Variants in NBEAL2 observed in about 807,000 individuals in gnomAD.
The protein encoded by NBEAL2 is neurobeachin like 2, also known as neurobeachin-like protein 2.
NBEAL2 carries 160 observed loss-of-function variants against 299.8 expected under a neutral mutation model. The observed-to-expected ratio is 0.53, with a 90% CI of 0.47 to 0.61. The LOEUF (loss-of-function observed/expected upper bound fraction) is 0.61. NBEAL2 is among the 20% of genes least tolerant of loss of function. NBEAL2 has a pLI of 0.00. For missense variants in NBEAL2, 3,112 were observed against 3,649.0 expected (o/e 0.85, Z 3.79); for synonymous variants, 1,493 against 1,542.3 (o/e 0.97, Z 0.75).
intron 1 of NBEAL2, among the ~76,000 whole-genome samples, chr3:46,984,130 C>G (rs2035535103): frequency 1.3e-5 from 1 of 77,090 alleles, no homozygotes; most frequent in African/African-American, 4.2e-5. Context: ...GAAACCCCAT[C>G]TCTACTAAAA....
Position 46,997,047 on chromosome 3 carries a change from G to A in NBEAL2, c.2649+1G>A. ...CAGAGTGGAGACCTGGGATGTGAAG[G>A]TCTGTGAGCACGTGTGGGTGGTGTG... On this transcript the variant is annotated splice_donor_variant, in intron 18 of 53. Coordinates refer to ENST00000450053, the MANE Select transcript of NBEAL2 (RefSeq NM_015175.3). LOFTEE classifies it high-confidence loss of function. The A allele has an allele frequency of 6.2e-7, 1 of 1,612,370 alleles. No individual in the cohort carries two copies. Among genetic ancestry groups the A allele is most frequent in the Non-Finnish European group, 8.5e-7 (1 of 1,179,072 alleles).
intron 49 of NBEAL2, 27 bp downstream of exon 49, chr3:47,007,937 G>T (rs781388375): frequency 3.9e-5 from 63 of 1,600,778 alleles, no homozygotes; most frequent in Non-Finnish European, 5.2e-5. Context: ...GCTCTGTGGG[G>T]CCCCCGTAGC....
In NBEAL2 at chr3:46,991,961, G is replaced by A; in HGVS notation, c.1032+15G>A. ...AGAACAGCAAGGTGGGTAGGGCCCA[G>A]CCTGGGGGTGAGGGTCTGGAAGCCA... On this transcript the variant is annotated intron_variant, in intron 9 of 53. Transcript: ENST00000450053. The surrounding 1 kb of genome is among the most constrained non-coding windows in gnomAD (Gnocchi z 6.2). 1 of 1,577,826 alleles carries A rather than the reference G, an allele frequency of 6.3e-7. No individual in the cohort carries two copies. Among genetic ancestry groups the A allele is most frequent in the Non-Finnish European group, 8.6e-7 (1 of 1,161,070 alleles).
chr3:47,006,348 C>T lies in NBEAL2; in HGVS notation c.7033C>T (p.Arg2345Trp), dbSNP rs1161626848. 3 of 1,596,888 alleles carry T rather than the reference C, an allele frequency of 1.9e-6. No individual in the cohort carries two copies. The highest frequency in any genetic ancestry group is 1.7e-5 in the Admixed American group (1 of 57,302). The change falls in exon 45 of 54, where the codon CGG becomes TGG. Residue 2345 changes from arginine (R) to tryptophan (W), a missense_variant. Arg to Trp is a moderately radical substitution (Grantham distance 101). Coordinates refer to ENST00000450053, the MANE Select transcript of NBEAL2 (RefSeq NM_015175.3). ...CQLLKEPHPT[R>W]LSAEEAAHRL... is the part of the protein sequence containing the mutation. ...TTACCCACAGGAGCCACATCCAACT[C>T]GGCTCTCAGCTGAGGAAGCAGCCCA...
Position 47,008,364 on chromosome 3 carries a change from C to A in NBEAL2, c.7801C>A (p.Pro2601Thr). The A allele has an allele frequency of 6.2e-7, 1 of 1,613,792 alleles. No individual in the cohort carries two copies. The highest frequency in any genetic ancestry group is 1.1e-5 in the South Asian group (1 of 91,036). Reference protein sequence around the residue: ...LRPLGATFPGPIFHLALGSEG... With the variant: ...LRPLGATFPGTIFHLALGSEG... The stretch of plus-strand genomic sequence containing the variant: ...GCCTCTGGGTGCCACATTCCCTGGA[C>A]CTATTTTCCACCTGGCATTGGGGTC... Residue 2601 changes from proline (P) to threonine (T), a missense_variant, in exon 51 of 54, where the codon CCT becomes ACT. By Grantham distance (38) the Pro-to-Thr change is conservative (BLOSUM62 -1). This residue lies in a region of NBEAL2 where 348 missense variants were observed against 381.4 expected (regional missense o/e 0.91). Coordinates refer to ENST00000450053, the MANE Select transcript of NBEAL2 (RefSeq NM_015175.3).
At position 47,000,004 on chromosome 3, in the gene NBEAL2, C is replaced by T; in HGVS notation, c.3905C>T (p.Pro1302Leu). 3.7e-6 allele frequency: 6 copies of T among 1,612,462 alleles called. No homozygotes were observed. The highest frequency in any genetic ancestry group is 5.1e-6 in the Non-Finnish European group (6 of 1,179,824). ...CTGGAGGCTGCCACAGCCGGCAGCCCCCCTCCGTCTTCCCCAGAGTCACCT... is the reference window on the plus strand; with the variant it reads ...CTGGAGGCTGCCACAGCCGGCAGCCTCCCTCCGTCTTCCCCAGAGTCACCT... ...YVLEAATAGSPPPSSPESPTS... is the reference protein window; with the variant it reads ...YVLEAATAGSLPPSSPESPTS... The change falls in exon 27 of 54, where the codon CCC becomes CTC. Residue 1302 changes from proline to leucine, a missense_variant. Physicochemically the swap from Pro to Leu is moderately conservative, Grantham distance 98. Coordinates refer to ENST00000450053, the MANE Select transcript of NBEAL2 (RefSeq NM_015175.3). The surrounding 1 kb of genome is among the most constrained non-coding windows in gnomAD (Gnocchi z 4.5).
Position 46,995,236 on chromosome 3 carries a change from A to T in NBEAL2, c.1501A>T (p.Thr501Ser), listed in dbSNP as rs1417715071. Reference sequence around the variant, plus strand: ...AGGCCTGGTGGGCTGCCTGTTGGAGACACTCAGCACAGGGCTAGCCCTGGA... The same window carrying T: ...AGGCCTGGTGGGCTGCCTGTTGGAGTCACTCAGCACAGGGCTAGCCCTGGA... ...QAGLVGCLLE[T>S]LSTGLALEAR... is the part of the protein sequence containing the mutation. The change falls in exon 13 of 54, where the codon ACA becomes TCA. Residue 501 changes from threonine (T) to serine (S), a missense_variant. Thr to Ser is a moderately conservative substitution (Grantham distance 58, BLOSUM62 1). Around this residue, in one of 3 missense-constraint regions of NBEAL2, gnomAD observed 2,243 missense variants for 2,538.1 expected, o/e 0.88. Transcript: ENST00000450053. 3 of 1,555,568 alleles carry T rather than the reference A, an allele frequency of 1.9e-6. No homozygotes were observed. The highest frequency in any genetic ancestry group is 2.6e-6 in the Non-Finnish European group (3 of 1,150,016).
chr3:46,993,313 A>G (rs2036242806), intron 10 of NBEAL2, among the ~76,000 whole-genome samples: 1 of 152,132 alleles, frequency 6.6e-6, no homozygotes, highest in South Asian at 2.1e-4. Flanking sequence ...CATGGAGCCG[A>G]ATATGACCTA....
At position 47,003,938 on chromosome 3, in the gene NBEAL2, T is replaced by C; in HGVS notation, c.5843T>C (p.Phe1948Ser). The C allele has an allele frequency of 6.2e-7, 1 of 1,613,570 alleles. No homozygotes were observed. The highest frequency in any genetic ancestry group is 1.1e-5 in the South Asian group (1 of 91,066). ...GAGGTCACCACACAGAATGTATACT[T>C]CTACGATGGCAGCACTGAGCGCGTG... ...LLEVTTQNVY[F>S]YDGSTERVET... The change falls in exon 36 of 54, where the codon TTC becomes TCC. Residue 1948 changes from phenylalanine (F) to serine (S), a missense_variant. Phe to Ser is a radical substitution (Grantham distance 155). Coordinates refer to ENST00000450053, the MANE Select transcript of NBEAL2 (RefSeq NM_015175.3). This position sits in a 1 kb window ranked among gnomAD's most constrained non-coding sequence, Gnocchi z 7.0.
Position 46,998,725 on chromosome 3 carries a change from G to T in NBEAL2, c.3230G>T (p.Arg1077Leu), listed in dbSNP as rs373407108. The T allele has an allele frequency of 4.4e-6, 7 of 1,575,592 alleles. 1 individual carries two copies. In the South Asian group the frequency reaches 8.1e-5, roughly 18 times the overall value. The change falls in exon 23 of 54, where the codon CGG becomes CTG. Residue 1077 changes from arginine (R) to leucine (L), a missense_variant. This residue lies in a region of NBEAL2 where 2,243 missense variants were observed against 2,538.1 expected (regional missense o/e 0.88). Coordinates refer to ENST00000450053, the MANE Select transcript of NBEAL2 (RefSeq NM_015175.3). ...GCCTACTGACCTGCCAGCCCGCAGC[G>T]GGAGCGCCCCCTGGCTGCTGACGAC... is the stretch of plus-strand genomic sequence containing the variant. ...DALRTHYSPQ[R>L]ERPLAADDLR...
rs1471572612 is a variant in NBEAL2, at chr3:47,009,591, C to T, written c.*271C>T. Reference sequence around the variant, plus strand: ...TTTTGCACAGTCTGGGGCGGGGTTCCCCGGCTTCCAAGTCGCTGTTTCGTC... The same window carrying T: ...TTTTGCACAGTCTGGGGCGGGGTTCTCCGGCTTCCAAGTCGCTGTTTCGTC... On this transcript the variant is annotated 3_prime_UTR_variant, in exon 54 of 54. Transcript: ENST00000450053. 1 of 473,540 alleles carries T rather than the reference C, an allele frequency of 2.1e-6. No homozygotes were observed. The highest frequency in any genetic ancestry group is 3.6e-5 in the East Asian group (1 of 27,844). 29.3% of individuals were successfully genotyped at this position (473,540 alleles called of 1,614,324 possible).
Position 46,982,864 on chromosome 3 carries a change from C to A in NBEAL2, c.51+2952C>A, listed in dbSNP as rs2035439693. ...GAGGACTCAGAGCCCACCAGAGCTCCCCCAGGGTAGGCATAGGAAGGGCAG... is the reference window on the plus strand; with the variant it reads ...GAGGACTCAGAGCCCACCAGAGCTCACCCAGGGTAGGCATAGGAAGGGCAG... On this transcript the variant is annotated intron_variant, in intron 1 of 53. Coordinates refer to ENST00000450053, the MANE Select transcript of NBEAL2 (RefSeq NM_015175.3). This position sits in a 1 kb window ranked among gnomAD's most constrained non-coding sequence, Gnocchi z 4.2. Among the ~76,000 whole-genome samples the A allele has an allele frequency of 6.6e-6, 1 of 152,102 alleles. No individual in the cohort carries two copies. The highest frequency in any genetic ancestry group is 6.6e-5 in the Admixed American group (1 of 15,264).
chr3:46,992,568 G>A lies in NBEAL2; in HGVS notation c.1113+13G>A. The A allele has an allele frequency of 6.3e-7, 1 of 1,584,992 alleles. No individual in the cohort carries two copies. The highest frequency in any genetic ancestry group is 8.6e-7 in the Non-Finnish European group (1 of 1,165,662). ...CGATGTCCAAAAGGTACCATCCTGG[G>A]GCTGACCAGCTCAGACACCCCCTGG... On this transcript the variant is annotated intron_variant, in intron 10 of 53. Coordinates refer to ENST00000450053, the MANE Select transcript of NBEAL2 (RefSeq NM_015175.3).
Position 46,999,426 on chromosome 3 carries a change from G to A in NBEAL2, c.3655G>A (p.Val1219Ile), listed in dbSNP as rs776853512. Residue 1219 changes from valine to isoleucine, a missense_variant, in exon 25 of 54, where the codon GTT becomes ATT. This residue lies in a region of NBEAL2 where 2,243 missense variants were observed against 2,538.1 expected (regional missense o/e 0.88). Transcript: ENST00000450053. The part of the protein sequence containing the change: ...GLVACLPEGT[V>I]SPQLCQGLYK... ...GGTTGCCTGCTTGCCTGAGGGGACT[G>A]TTTCCCCCCAGCTCTGCCAGGGCCT... The A allele has an allele frequency of 4.4e-6, 7 of 1,590,526 alleles. No individual in the cohort carries two copies. The highest frequency in any genetic ancestry group is 6.0e-6 in the Non-Finnish European group (7 of 1,169,156).
chr3:46,998,775 C>T lies in NBEAL2; in HGVS notation c.3280C>T (p.Leu1094=). The part of the protein sequence containing the change: ...DDLRTVQTSL[L]GLAREFLVRS... ...CCTACGCACCGTGCAGACCTCCCTC[C>T]TGGGCCTGGCGAGGGAGTTCCTGGT... The change falls in exon 23 of 54, where the codon CTG becomes TTG. Residue 1094 remains leucine (L), a synonymous_variant. Transcript: ENST00000450053. 1.3e-6 allele frequency: 2 copies of T among 1,570,358 alleles called. No homozygotes were observed. Among genetic ancestry groups the T allele is most frequent in the Non-Finnish European group, 8.6e-7 (1 of 1,157,944 alleles).
chr3:46,990,577 C>T (rs1178149194), intron 6 of NBEAL2, among the ~76,000 whole-genome samples: 1 of 152,250 alleles, frequency 6.6e-6, no homozygotes, highest in Non-Finnish European at 1.5e-5. Context: ...CCCACCCATC[C>T]AGCCGGAATC....
intron 1 of NBEAL2, among the ~76,000 whole-genome samples, chr3:46,985,082 G>A (rs903427644): frequency 2.6e-5 from 4 of 152,200 alleles, no homozygotes; most frequent in African/African-American, 9.7e-5. Context: ...CTTACAAAGG[G>A]TGCTGATGCC....
At position 46,988,834 on chromosome 3, in the gene NBEAL2, C is replaced by A. The variant is rs377314567; in HGVS notation, c.141-8C>A. The A allele has an allele frequency of 1.0e-5, 16 of 1,604,348 alleles. No individual in the cohort carries two copies. Among genetic ancestry groups the A allele is most frequent in the African/African-American group, 8.0e-5 (6 of 74,774 alleles). On this transcript the variant is annotated splice_region_variant and splice_polypyrimidine_tract_variant and intron_variant, in intron 2 of 53. Transcript: ENST00000450053. The surrounding 1 kb of genome is among the most constrained non-coding windows in gnomAD (Gnocchi z 4.4). ...TCCTCAGCACCCGTGTCTCCCCTTT[C>A]CTTGCAGGCCAGAGGAGGCAGGTGC...
chr3:46,994,357 A>C, intron 11 of NBEAL2, 98 bp from the exon 12 acceptor site: 1 of 1,137,822 alleles, frequency 8.8e-7, no homozygotes, highest in South Asian at 1.3e-5. Context: ...ACGCAAGGGA[A>C]CCCCAAAACA....
Sources: gnomAD v4.1 joint callset for allele counts (sites outside exome capture counted in the v4.1 genomes callset) on GRCh38, gnomAD v4.1.1 for gene constraint, gnomAD v4.1.1 regional missense constraint, Gnocchi (gnomAD v3.1) non-coding constraint, MANE v1.5 for transcripts, NCBI Gene and HGNC (gene_info 2026-07-23, HGNC 2026-07-21) for gene names.